The following DHX8 variants were observed in gnomAD, a reference collection of about 807,000 sequenced individuals.
DHX8 encodes the protein ATP-dependent RNA helicase DHX8.
In DHX8, 67 loss-of-function variants were observed where a neutral mutation model predicts 140.7. That is an observed-to-expected ratio of 0.48 (90% CI 0.39 to 0.58). The LOEUF (loss-of-function observed/expected upper bound fraction) is 0.58, where lower values mean the gene tolerates loss of function less well. DHX8 is among the 20% of genes least tolerant of loss of function. The pLI is 0.00. For synonymous variants in DHX8, 533 were observed against 553.2 expected (o/e 0.96, Z 0.51); for missense variants, 887 against 1,550.7 (o/e 0.57, Z 7.19).
Position 43,488,610 on chromosome 17 carries a change from T to TAAA in DHX8, c.149-827_149-825dup, listed in dbSNP as rs60524796. 2.2e-3 allele frequency among the ~76,000 whole-genome samples: 308 copies of TAAA among 142,342 alleles called. 2 individuals are homozygous for TAAA. Among genetic ancestry groups the TAAA allele is most frequent in the African/African-American group, 5.4e-3 (208 of 38,400 alleles). The allele number at this position is 142,342 out of a possible 152,430, so 93.4% of individuals were successfully genotyped here. On this transcript the variant is annotated intron_variant, in intron 1 of 22. Coordinates refer to ENST00000262415, the MANE Select transcript of DHX8 (RefSeq NM_004941.3). Reference sequence around the variant, plus strand: ...TGGGCGACAGAGCCAGACTCTGTCTTAAAAAAAAAAAAAAGAAGAACTAGG... The same window carrying TAAA: ...TGGGCGACAGAGCCAGACTCTGTCTTAAAAAAAAAAAAAAAAAGAAGAACTAGG...
intron 2 of DHX8, chr17:43,536,295 C>T: frequency 1.3e-6 from 1 of 799,554 alleles, no homozygotes; most frequent in Admixed American, 2.2e-5. Context: ...CAGTTATTGC[C>T]TTGGTCTTTA....
chr17:43,528,783 C>G (rs1970722831), downstream of DHX8: 2 of 1,573,060 alleles, frequency 1.3e-6, no homozygotes, highest in African/African-American at 2.7e-5. Flanking sequence ...TGGCTAGCCG[C>G]CCAGCCTTTG....
Position 43,492,284 on chromosome 17 carries a change from T to C in DHX8, c.495T>C (p.Ala165=), listed in dbSNP as rs1243690674. Residue 165 remains alanine (A), a synonymous_variant, in exon 5 of 23, where the codon GCT becomes GCC. Transcript: ENST00000262415. ...SAAGQEKQRD[A]EHRDRTKKKK... ...CAGGCCAGGAGAAGCAAAGAGATGC[T>C]GAACACCGGTTTGTCCTTAGTGTCC... 5 of 1,613,340 alleles carry C rather than the reference T, an allele frequency of 3.1e-6. No individual in the cohort carries two copies. Among genetic ancestry groups the C allele is most frequent in the Non-Finnish European group, 3.4e-6 (4 of 1,179,346 alleles).
intron 12 of DHX8, among the ~76,000 whole-genome samples, chr17:43,505,129 GGTGGGGCGTGGTGGCCCACACC>G (rs1969417423): frequency 6.6e-6 from 1 of 152,132 alleles, no homozygotes; most frequent in African/African-American, 2.4e-5. Context: ...TAAAAAATTT[GGTGGGGCGTGGTGGCCCACACC>G]TGTAATCCGG....
chr17:43,519,423 G>A (rs1970264845), intron 18 of DHX8: 1 of 151,918 alleles, frequency 6.6e-6, no homozygotes, highest in Non-Finnish European at 1.5e-5. Context: ...TTGAAGAAAT[G>A]TCTATTCAAG....
chr17:43,536,042 C>T (rs1191393446), intron 2 of DHX8, among the ~76,000 whole-genome samples: 2 of 152,146 alleles, frequency 1.3e-5, no homozygotes, highest in Admixed American at 6.6e-5. Flanking sequence ...ACCCGGGAGG[C>T]GGAAGTTGCA....
chr17:43,531,190 G>T (rs908032457), downstream of DHX8, among the ~76,000 whole-genome samples: 3 of 152,188 alleles, frequency 2.0e-5, no homozygotes, highest in African/African-American at 7.2e-5. Context: ...CACAAAAAGG[G>T]AAATTCTAAA....
At chr17:43,543,864 A>G (rs1202349685) in intron 3 of DHX8, 1 of 152,210 alleles carries the variant, frequency 6.6e-6, no homozygotes, top group African/African-American at 2.4e-5. Flanking sequence ...AGAATATCAT[A>G]GTGGGCAAGA....
At chr17:43,519,828 C>A in intron 18 of DHX8, 2 of 241,770 alleles carry the variant, frequency 8.3e-6, no homozygotes, top group Non-Finnish European at 1.6e-5. Flanking sequence ...ATAATCCCAG[C>A]TACTTGGGAT....
intron 2 of DHX8, chr17:43,533,331 C>G (rs1567710070): frequency 6.2e-7 from 1 of 1,613,400 alleles, no homozygotes; most frequent in Non-Finnish European, 8.5e-7. Flanking sequence ...GGCGATTTGT[C>G]TGGGGGGGTC....
intron 3 of DHX8, 76 bp downstream of exon 3, chr17:43,490,539 T>C: frequency 8.0e-7 from 1 of 1,254,946 alleles, no homozygotes; most frequent in Non-Finnish European, 1.1e-6. Flanking sequence ...GCATTTGTTT[T>C]CCTCTCAGCA....
downstream of DHX8, chr17:43,530,095 G>C: frequency 6.2e-7 from 1 of 1,602,352 alleles, no homozygotes; most frequent in Non-Finnish European, 8.5e-7. Flanking sequence ...AGGGGAAGGG[G>C]GGCTGCCTTA....
chr17:43,529,512 G>A (rs377565878), downstream of DHX8: 3 of 1,611,442 alleles, frequency 1.9e-6, no homozygotes, highest in Non-Finnish European at 1.7e-6. Flanking sequence ...ACCTCCTCAG[G>A]CTCAATGAGC....
rs115892860 is a variant in DHX8 at position 43,515,081 on chromosome 17, A to G, written c.2643+1579A>G. Among the ~76,000 whole-genome samples, 1,336 of 152,236 alleles carry G rather than the reference A, an allele frequency of 8.8e-3. 24 individuals carry two copies. The highest frequency in any genetic ancestry group is 0.031 in the African/African-American group (1,289 of 41,542). On this transcript the variant is annotated intron_variant, in intron 17 of 22. Coordinates refer to ENST00000262415, the MANE Select transcript of DHX8 (RefSeq NM_004941.3). ...TGTGCATTTTCTTTTATACTTTTAT[A>G]TGTTGTCTTAATCTTTTACAGTGGG...
At chr17:43,511,709 C>T (rs1395721427) in intron 16 of DHX8, among the ~76,000 whole-genome samples, 3 of 151,238 alleles carry the variant, frequency 2.0e-5, no homozygotes, top group African/African-American at 7.3e-5. Context: ...CCATCCGCCT[C>T]AGCCTCCCAA....
rs1968378034 is a variant in DHX8, at chr17:43,489,585, G to A, written c.234+51G>A. On this transcript the variant is annotated intron_variant, in intron 2 of 22. Coordinates refer to ENST00000262415, the MANE Select transcript of DHX8 (RefSeq NM_004941.3). The stretch of plus-strand genomic sequence containing the variant: ...TGTAGATATTAATGTTTTAATTTAT[G>A]TTTGTTTGTTTGTTTTTTTTTTTGA... The A allele has an allele frequency of 4.7e-6, 6 of 1,288,664 alleles. No individual in the cohort carries two copies. In the East Asian group the frequency reaches 7.1e-5, roughly 15 times the overall value. 79.8% of individuals were successfully genotyped at this position (1,288,664 alleles called of 1,614,324 possible). A position where few individuals can be genotyped will look rare whatever the true frequency, so the allele number is the denominator to read the frequency against.
chr17:43,486,085 G>A (rs1377434734), intron 1 of DHX8, among the ~76,000 whole-genome samples: 1 of 129,468 alleles, frequency 7.7e-6, no homozygotes, highest in African/African-American at 2.8e-5. Context: ...GTGCTATGCA[G>A]GAGGCTGAGG....
chr17:43,544,614 A>C (rs999075236), downstream of DHX8, among the ~76,000 whole-genome samples: 1 of 152,110 alleles, frequency 6.6e-6, no homozygotes, highest in African/African-American at 2.4e-5. Context: ...ACACCCCAAC[A>C]TGCACCTTGG....
At chr17:43,484,645 C>A (rs933109183) in intron 1 of DHX8, among the ~76,000 whole-genome samples, 18 of 152,126 alleles carry the variant, frequency 1.2e-4, no homozygotes, top group Admixed American at 1.2e-3. Flanking sequence ...GACCGTTCAT[C>A]CTGTACTCTT....
Sources: gnomAD v4.1 joint callset for allele counts (sites outside exome capture counted in the v4.1 genomes callset) on GRCh38, gnomAD v4.1.1 for gene constraint, MANE v1.5 for transcripts, NCBI Gene and HGNC (gene_info 2026-07-23, HGNC 2026-07-21) for gene names.